The following MB variants were observed in gnomAD, a reference collection of about 807,000 sequenced individuals.
MB encodes nitrite reductase MB.
Under a neutral mutation model 14.5 loss-of-function variants are expected in MB, and 10 were observed. The observed-to-expected ratio is 0.69, with a 90% CI of 0.43 to 1.17. MB has a LOEUF of 1.17. Among genes scored for constraint, MB ranks in the 50% most tolerant of loss-of-function variants. MB has a pLI of 0.00. For synonymous variants in MB, 89 were observed against 78.6 expected, an observed-to-expected ratio of 1.13 and a Z score of -0.70; for missense variants, 169 against 192.7, an observed-to-expected ratio of 0.88 and a Z score of 0.73.
Position 35,608,705 on chromosome 22 carries a change from C to T in MB, c.319-1262G>A, listed in dbSNP as rs961833500. ...TGAGAGAATCAAGTTCCAGGGCCAC[C>T]TATGCCCCGACTCCATGTGTGACTT... On this transcript the variant is annotated intron_variant, in intron 2 of 2. Transcript: ENST00000397326. The surrounding 1 kb of genome is among the most constrained non-coding windows in gnomAD (Gnocchi z 4.3). Among the ~76,000 whole-genome samples, 1 of 152,214 alleles carries T rather than the reference C, an allele frequency of 6.6e-6. No homozygotes were observed. Among genetic ancestry groups the T allele is most frequent in the South Asian group, 2.1e-4 (1 of 4,826 alleles).
upstream of MB, chr22:35,621,885 A>G (rs2145929217): frequency 6.6e-6 from 1 of 152,376 alleles, no homozygotes; most frequent in East Asian, 1.9e-4. Context: ...GGGCTCTGCC[A>G]TCTTCGGTCT....
intron 2 of MB, 42 bp from the exon 3 acceptor site, chr22:35,607,485 A>G (rs779347622): frequency 6.2e-7 from 1 of 1,601,080 alleles, no homozygotes; most frequent in Admixed American, 1.7e-5. Flanking sequence ...CCAGGGTGGG[A>G]CAAGCCAGGG....
upstream of MB, among the ~76,000 whole-genome samples, chr22:35,620,105 G>A (rs914227275): frequency 2.6e-5 from 4 of 152,216 alleles, no homozygotes; most frequent in Non-Finnish European, 5.9e-5. Context: ...GGAGGCTGAG[G>A]TGGGTGGATC....
upstream of MB, among the ~76,000 whole-genome samples, chr22:35,621,115 C>T (rs1393756749): frequency 6.6e-6 from 1 of 152,152 alleles, no homozygotes; most frequent in Non-Finnish European, 1.5e-5. Context: ...CCTGTGACAG[C>T]CTTCATTATG....
At chr22:35,622,805 G>A (rs567996829) in intron 1 of MB, among the ~76,000 whole-genome samples, 2 of 145,424 alleles carry the variant, frequency 1.4e-5, no homozygotes, top group Admixed American at 7.0e-5. Context: ...GACCAGCCCC[G>A]CCTCCACAGT....
chr22:35,619,011 A>T (rs1923293933), upstream of MB, among the ~76,000 whole-genome samples: 1 of 149,586 alleles, frequency 6.7e-6, no homozygotes, highest in South Asian at 2.1e-4. Flanking sequence ...CCATCCATCT[A>T]TCCATCCATC....
upstream of MB, among the ~76,000 whole-genome samples, chr22:35,618,651 C>A (rs1038057465): frequency 6.6e-6 from 1 of 152,008 alleles, no homozygotes; most frequent in African/African-American, 2.4e-5. Context: ...TTCATCTATT[C>A]ATCTATCCAT....
chr22:35,610,710 G>A (rs1455178007), intron 2 of MB, among the ~76,000 whole-genome samples, 174 bp downstream of exon 2: 1 of 152,160 alleles, frequency 6.6e-6, no homozygotes, highest in South Asian at 2.1e-4. Flanking sequence ...ACAATCCCAG[G>A]AGGAAGGCAA....
At chr22:35,619,050 AT>A (rs1702494807), upstream of MB, among the ~76,000 whole-genome samples, 1 of 151,576 alleles carries the variant, frequency 6.6e-6, no homozygotes, top group African/African-American at 2.4e-5. Context: ...CTATCCTTCT[AT>A]CCATCTGTAA....
Position 35,617,245 on chromosome 22 carries a change from C to A in MB, c.13G>T (p.Asp5Tyr). ...TTCAGCACCAACTGCCATTCCCCGT[C>A]GCTGAGCCCCATGGCGCAGTCTGAA... MGLSDGEWQLVLNVW... is the reference protein window; with the variant it reads MGLSYGEWQLVLNVW... The change falls in exon 1 of 3, where the codon GAC becomes TAC. Residue 5 changes from aspartate (D) to tyrosine (Y), a missense_variant. Transcript: ENST00000397326. 1 of 1,614,072 alleles carries A rather than the reference C, an allele frequency of 6.2e-7. No homozygotes were observed. Among genetic ancestry groups the A allele is most frequent in the Non-Finnish European group, 8.5e-7 (1 of 1,179,934 alleles).
chr22:35,610,441 G>A (rs1273967329), intron 2 of MB, among the ~76,000 whole-genome samples: 1 of 152,190 alleles, frequency 6.6e-6, no homozygotes, highest in Non-Finnish European at 1.5e-5. Context: ...TGGCACAGCA[G>A]TTAGGGGCTG....
At position 35,610,941 on chromosome 22, in the gene MB, A is replaced by T. The variant is rs1601842312; in HGVS notation, c.261T>A (p.Ile87=). The T allele has an allele frequency of 6.2e-7, 1 of 1,614,116 alleles. No individual in the cohort carries two copies. The highest frequency in any genetic ancestry group is 8.5e-7 in the Non-Finnish European group (1 of 1,180,018). The change falls in exon 2 of 3, where the codon ATT becomes ATA. Residue 87 remains isoleucine (I), a synonymous_variant. Transcript: ENST00000397326. The stretch of plus-strand genomic sequence containing the variant: ...TGGCATGCGACTGTGCCAGGGGCTT[A>T]ATCTCTGCCTCATGATGCCCCTTCT... ...LKKKGHHEAE[I]KPLAQSHATK...
chr22:35,622,043 C>G (rs761044474), upstream of MB: 5 of 152,412 alleles, frequency 3.3e-5, no homozygotes, highest in South Asian at 1.0e-3. Flanking sequence ...ATCTAGGTGA[C>G]CTAGGAATTT....
upstream of MB, among the ~76,000 whole-genome samples, chr22:35,621,030 A>T (rs950499241): frequency 2.0e-5 from 3 of 152,212 alleles, no homozygotes; most frequent in Admixed American, 2.0e-4. Context: ...ACACATCTCT[A>T]CAACAGAGCA....
intron 1 of MB, among the ~76,000 whole-genome samples, chr22:35,614,624 AC>A (rs1922921377): frequency 6.6e-6 from 1 of 152,158 alleles, no homozygotes; most frequent in Non-Finnish European, 1.5e-5. Flanking sequence ...AATCATATCT[AC>A]CTCATAAGAT....
chr22:35,617,210 C>T lies in MB; in HGVS notation c.48G>A (p.Gly16=). 2 of 1,614,082 alleles carry T rather than the reference C, an allele frequency of 1.2e-6. No individual in the cohort carries two copies. The highest frequency in any genetic ancestry group is 1.3e-5 in the African/African-American group (1 of 75,024). The change falls in exon 1 of 3, where the codon GGG becomes GGA. Residue 16 remains glycine (G), a synonymous_variant. Transcript: ENST00000397326. ...GGCCTGGGATGTCAGCCTCCACCTTCCCCCAGACGTTCAGCACCAACTGCC... is the reference window on the plus strand; with the variant it reads ...GGCCTGGGATGTCAGCCTCCACCTTTCCCCAGACGTTCAGCACCAACTGCC... ...GEWQLVLNVW[G]KVEADIPGHG...
chr22:35,611,012 T>C lies in MB; in HGVS notation c.190A>G (p.Lys64Glu). 4 of 1,614,168 alleles carry C rather than the reference T, an allele frequency of 2.5e-6. No homozygotes were observed. The highest frequency in any genetic ancestry group is 3.4e-6 in the Non-Finnish European group (4 of 1,180,002). The change falls in exon 2 of 3, where the codon AAG (lysine) becomes GAG (glutamate). Residue 64 changes from lysine to glutamate, a missense_variant. Lys to Glu is a moderately conservative substitution (Grantham distance 56). Coordinates refer to ENST00000397326, the MANE Select transcript of MB (RefSeq NM_005368.3). ...GCGGTGAGCACGGTGGCACCATGCT[T>C]CTTTAAGTCCTCAGACGCCTTCATC... Reference protein sequence around the residue: ...DEMKASEDLKKHGATVLTALG... With the variant: ...DEMKASEDLKEHGATVLTALG...
chr22:35,612,889 G>A (rs571912227), intron 1 of MB, among the ~76,000 whole-genome samples: 2 of 152,044 alleles, frequency 1.3e-5, no homozygotes, highest in Non-Finnish European at 2.9e-5. Flanking sequence ...CTCACACAGA[G>A]GTACACATAA....
At position 35,607,100 on chromosome 22, in the gene MB, A is replaced by G. The variant is rs1922197124; in HGVS notation, c.*197T>C. On this transcript the variant is annotated 3_prime_UTR_variant, in exon 3 of 3. Transcript: ENST00000397326. Reference sequence around the variant, plus strand: ...GCCACTCCCGGTTCCCAGGGTGATGACATCCCACAGGGAGGCGCATCGCTG... The same window carrying G: ...GCCACTCCCGGTTCCCAGGGTGATGGCATCCCACAGGGAGGCGCATCGCTG... 1.9e-6 allele frequency: 1 copy of G among 529,840 alleles called. No homozygotes were observed. The highest frequency in any genetic ancestry group is 3.3e-6 in the Non-Finnish European group (1 of 302,664). The allele number at this position is 529,840 out of a possible 1,614,324, so 32.8% of individuals were successfully genotyped here.
Sources: allele counts gnomAD v4.1 joint callset (sites outside exome capture counted in the v4.1 genomes callset), GRCh38; gene constraint gnomAD v4.1.1; non-coding constraint Gnocchi (gnomAD v3.1); transcripts MANE v1.5; gene names NCBI Gene and HGNC (gene_info 2026-07-23, HGNC 2026-07-21).